Variants in GABRG3 observed in about 807,000 individuals in gnomAD.
GABRG3 encodes the protein gamma-aminobutyric acid receptor subunit gamma-3.
In GABRG3, 25 loss-of-function variants were observed where a neutral mutation model predicts 48.8. The ratio of observed to expected loss-of-function variants is 0.51; its 90% CI spans 0.37 to 0.72. The LOEUF is 0.72. Ranked by LOEUF, GABRG3 falls within the 30% of genes least tolerant of loss-of-function variation. GABRG3 has a pLI of 0.00. For synonymous variants in GABRG3, 227 were observed against 217.6 expected (o/e 1.04, Z -0.38); for missense variants, 394 against 577.9 (o/e 0.68, Z 3.26).
intron 3 of GABRG3, among the ~76,000 whole-genome samples, chr15:27,148,220 T>G (rs143956097): frequency 2.4e-4 from 37 of 152,102 alleles, no homozygotes; most frequent in African/African-American, 8.9e-4. Flanking sequence ...ATTACCTAAA[T>G]TAGTTGCAGT....
At chr15:27,135,992 C>T (rs1473368575) in intron 3 of GABRG3, among the ~76,000 whole-genome samples, 4 of 152,140 alleles carry the variant, frequency 2.6e-5, no homozygotes, top group East Asian at 3.9e-4. Flanking sequence ...GTACCCAAAG[C>T]GGATGCTCAG....
At chr15:27,051,234 C>T (rs1016740158) in intron 3 of GABRG3, among the ~76,000 whole-genome samples, 5 of 152,282 alleles carry the variant, frequency 3.3e-5, no homozygotes, top group African/African-American at 1.2e-4. Context: ...TTAGACCTGA[C>T]CTAAATTTAC....
At chr15:27,166,078 C>G (rs208151) in intron 3 of GABRG3, among the ~76,000 whole-genome samples, 15,811 of 151,996 alleles carry the variant, frequency 0.1, 1,895 homozygotes, top group African/African-American at 0.29. Flanking sequence ...TTAGGCAATG[C>G]GAAGCTTGCA....
chr15:27,480,900 A>C (rs1890087161), intron 6 of GABRG3, 113 bp downstream of exon 6: 1 of 1,450,330 alleles, frequency 6.9e-7, no homozygotes, highest in Admixed American at 2.7e-5. Flanking sequence ...CATAAGTGAT[A>C]TTTGAGACAA....
intron 5 of GABRG3, among the ~76,000 whole-genome samples, chr15:27,330,229 G>C (rs1460869654): frequency 6.6e-6 from 1 of 152,062 alleles, no homozygotes; most frequent in East Asian, 1.9e-4. Flanking sequence ...GACAGAGGGA[G>C]ACTCTGTCTC....
In GABRG3 at chr15:27,264,009, C is replaced by A. The variant is rs768324220; in HGVS notation, c.271-62800C>A. ...GCTTTGAGAACATATACCGGGGAGA[C>A]GTGCCAGATATAGTAGGGGATGGGA... On this transcript the variant is annotated intron_variant, in intron 3 of 9. Transcript: ENST00000615808. Among the ~76,000 whole-genome samples, 7 of 151,812 alleles carry A rather than the reference C, an allele frequency of 4.6e-5. No individual in the cohort carries two copies. In the East Asian group the frequency reaches 7.8e-4, roughly 17 times the overall value.
intron 6 of GABRG3, among the ~76,000 whole-genome samples, chr15:27,514,651 A>G (rs1017226157): frequency 6.6e-6 from 1 of 152,222 alleles, no homozygotes; most frequent in Admixed American, 6.5e-5. Flanking sequence ...AGTGAAACCA[A>G]ATCAGGTTTT....
chr15:27,501,991 A>G (rs551642752), intron 6 of GABRG3, among the ~76,000 whole-genome samples: 3 of 152,170 alleles, frequency 2.0e-5, no homozygotes, highest in African/African-American at 4.8e-5. Flanking sequence ...ATCTCAACCC[A>G]TAGGGGCCAA....
At chr15:27,167,221 C>T (rs974367777) in intron 3 of GABRG3, among the ~76,000 whole-genome samples, 4 of 152,218 alleles carry the variant, frequency 2.6e-5, no homozygotes, top group Non-Finnish European at 4.4e-5. Flanking sequence ...CCTCCTCTGT[C>T]ATGGGCCCCC....
intron 6 of GABRG3, among the ~76,000 whole-genome samples, chr15:27,495,831 C>A (rs1890473338): frequency 1.3e-5 from 2 of 152,204 alleles, no homozygotes; most frequent in South Asian, 4.1e-4. Context: ...GTATTGGCAT[C>A]TGTTGATTGT....
intron 3 of GABRG3, among the ~76,000 whole-genome samples, chr15:27,041,342 TCAG>T (rs1295867372): frequency 6.6e-6 from 1 of 152,034 alleles, no homozygotes; most frequent in Admixed American, 6.5e-5. Context: ...ACCACCATTC[TCAG>T]CTAATTTTTG....
chr15:27,477,563 A>T, intron 5 of GABRG3, among the ~76,000 whole-genome samples: 1 of 152,168 alleles, frequency 6.6e-6, no homozygotes, highest in East Asian at 1.9e-4. Flanking sequence ...CCCTAAGGTA[A>T]ACTATGGACT....
chr15:27,122,518 G>C (rs1437108121), intron 3 of GABRG3, among the ~76,000 whole-genome samples: 2 of 152,230 alleles, frequency 1.3e-5, no homozygotes, highest in Non-Finnish European at 2.9e-5. Flanking sequence ...ATTATTCCAT[G>C]TGTGGAGGAA....
chr15:27,014,221 C>T (rs957967437), intron 2 of GABRG3, among the ~76,000 whole-genome samples: 1 of 151,926 alleles, frequency 6.6e-6, no homozygotes, highest in Non-Finnish European at 1.5e-5. Context: ...AGGGTTTATA[C>T]ATTTCATTGA....
chr15:27,383,323 C>T (rs1394515203), intron 5 of GABRG3, among the ~76,000 whole-genome samples: 1 of 152,210 alleles, frequency 6.6e-6, no homozygotes, highest in Non-Finnish European at 1.5e-5. Context: ...CATTCTTTCG[C>T]TTGTTGAATC....
chr15:27,125,809 G>A (rs572403118), intron 3 of GABRG3, among the ~76,000 whole-genome samples: 13 of 152,360 alleles, frequency 8.5e-5, no homozygotes, highest in South Asian at 4.1e-4. Flanking sequence ...GCTGTCTGCC[G>A]CAAGGCTGGG....
chr15:27,224,214 C>T (rs191968902), intron 3 of GABRG3, among the ~76,000 whole-genome samples: 51 of 152,288 alleles, frequency 3.3e-4, no homozygotes, highest in Admixed American at 2.7e-3. Context: ...CGGTGCTTTC[C>T]GTGTGTGCCA....
intron 3 of GABRG3, among the ~76,000 whole-genome samples, chr15:27,066,160 C>T (rs1896734285): frequency 6.6e-6 from 1 of 152,232 alleles, no homozygotes; most frequent in Admixed American, 6.5e-5. Flanking sequence ...TCAGACATCT[C>T]TGATACTCCT....
chr15:27,395,199 AT>A (rs1794624392), intron 5 of GABRG3, among the ~76,000 whole-genome samples: 1 of 152,150 alleles, frequency 6.6e-6, no homozygotes, highest in African/African-American at 2.4e-5. Flanking sequence ...CTATCTTAAA[AT>A]TTACATTTCC....
Sources: allele counts gnomAD v4.1 joint callset (sites outside exome capture counted in the v4.1 genomes callset), GRCh38; gene constraint gnomAD v4.1.1; transcripts MANE v1.5; gene names NCBI Gene and HGNC (gene_info 2026-07-23, HGNC 2026-07-21).